The following ESYT2 variants were observed in gnomAD, a reference collection of about 807,000 sequenced individuals.
ESYT2 encodes the protein extended synaptotagmin-2.
ESYT2 carries 54 observed loss-of-function variants against 107.2 expected under a neutral mutation model. That is an observed-to-expected ratio of 0.50 (90% CI 0.40 to 0.63). ESYT2 has a LOEUF of 0.63. ESYT2 is among the 30% of genes least tolerant of loss of function. The pLI, the probability that ESYT2 is intolerant of heterozygous loss-of-function variation, is 0.00. For missense variants in ESYT2, 1,020 were observed against 1,094.5 expected (o/e 0.93, Z 0.96); for synonymous variants, 491 against 434.1 (o/e 1.13, Z -1.63).
At chr7:158,807,141 C>T (rs1056428653) in intron 1 of ESYT2, among the ~76,000 whole-genome samples, 1 of 151,356 alleles carries the variant, frequency 6.6e-6, no homozygotes, top group Non-Finnish European at 1.5e-5. Context: ...GTCCCACCTA[C>T]TCAGGAGGCT....
chr7:158,778,062 A>G (rs947474579), intron 6 of ESYT2, among the ~76,000 whole-genome samples: 3 of 152,196 alleles, frequency 2.0e-5, no homozygotes, highest in African/African-American at 4.8e-5. Flanking sequence ...TTTCATCTTA[A>G]ATGTCGCATT....
Position 158,790,064 on chromosome 7 carries a change from G to A in ESYT2, c.585-1647C>T, listed in dbSNP as rs113225574. On this transcript the variant is annotated intron_variant, in intron 4 of 22. Transcript: ENST00000275418. ...GGGGGCGGAGCGTCCTCCTGGGGGC[G>A]GAGCGTCCTCCTGGGGCACTGCCTG... is the stretch of plus-strand genomic sequence containing the variant. Among the ~76,000 whole-genome samples, 18 of 138,952 alleles carry A rather than the reference G, an allele frequency of 1.3e-4. 1 individual carries two copies. Among genetic ancestry groups the A allele is most frequent in the African/African-American group, 5.1e-4 (18 of 35,516 alleles). 91.2% of individuals were successfully genotyped at this position (138,952 alleles called of 152,430 possible).
At chr7:158,781,961 G>C (rs563066571) in intron 6 of ESYT2, among the ~76,000 whole-genome samples, 44 of 100,940 alleles carry the variant, frequency 4.4e-4, no homozygotes, top group African/African-American at 1.6e-3. Flanking sequence ...AAGTGTGAAC[G>C]AGTGTGAGAA....
intron 1 of ESYT2, among the ~76,000 whole-genome samples, chr7:158,810,588 G>A (rs573675529): frequency 2.6e-5 from 4 of 152,196 alleles, no homozygotes; most frequent in African/African-American, 7.2e-5. Context: ...AGGCTGAGAT[G>A]GCAGGATCAC....
intron 13 of ESYT2, among the ~76,000 whole-genome samples, chr7:158,758,414 G>A (rs1837841024): frequency 6.6e-6 from 1 of 152,174 alleles, no homozygotes; most frequent in Non-Finnish European, 1.5e-5. Flanking sequence ...GACTACAGGG[G>A]ATCGAGAGGC....
chr7:158,808,935 C>A (rs1191584097), intron 1 of ESYT2, among the ~76,000 whole-genome samples: 1 of 152,062 alleles, frequency 6.6e-6, no homozygotes, highest in Non-Finnish European at 1.5e-5. Flanking sequence ...GAGACTGCGC[C>A]ATTACACTCC....
chr7:158,737,063 G>T lies in ESYT2; in HGVS notation c.2384C>A (p.Pro795Gln), dbSNP rs1836983896. The change falls in exon 20 of 23, where the codon CCA (proline) becomes CAA (glutamine). Residue 795 changes from proline to glutamine, a missense_variant. Pro to Gln is a moderately conservative substitution (Grantham distance 76, BLOSUM62 -1). Coordinates refer to ENST00000275418, the MANE Select transcript of ESYT2 (RefSeq NM_001367773.1). Reference protein sequence around the residue: ...KTHVSKKTLNPVFDQSFDFSV... With the variant: ...KTHVSKKTLNQVFDQSFDFSV... ...AATACCGTACCTTTGATCAAACACTGGATTTAATGTTTTCTTTGACACGTG... is the reference window on the plus strand; with the variant it reads ...AATACCGTACCTTTGATCAAACACTTGATTTAATGTTTTCTTTGACACGTG... 6.2e-7 allele frequency: 1 copy of T among 1,613,402 alleles called. No individual in the cohort carries two copies. The highest frequency in any genetic ancestry group is 1.3e-5 in the African/African-American group (1 of 74,886).
chr7:158,757,795 A>C (rs767487604), intron 13 of ESYT2, among the ~76,000 whole-genome samples: 3 of 150,510 alleles, frequency 2.0e-5, no homozygotes, highest in Non-Finnish European at 4.4e-5. Context: ...CTTATGTGAC[A>C]TTATTCAAAT....
At position 158,795,805 on chromosome 7, in the gene ESYT2, C is replaced by A. The variant is rs576145681; in HGVS notation, c.508-2079G>T. 5.9e-5 allele frequency among the ~76,000 whole-genome samples: 9 copies of A among 152,314 alleles called. 1 individual carries two copies. In the South Asian group the frequency reaches 1.9e-3, roughly 32 times the overall value. On this transcript the variant is annotated intron_variant, in intron 3 of 22. Transcript: ENST00000275418. ...GGCGTCCCGTGTAGAGACATGGGCTCGTCCTACGGGCGTCCTGTGTAGAGA... is the reference window on the plus strand; with the variant it reads ...GGCGTCCCGTGTAGAGACATGGGCTAGTCCTACGGGCGTCCTGTGTAGAGA...
intron 4 of ESYT2, among the ~76,000 whole-genome samples, chr7:158,789,362 T>G (rs917371591): frequency 6.6e-6 from 1 of 152,176 alleles, no homozygotes; most frequent in Non-Finnish European, 1.5e-5. Context: ...ATCATTTTCT[T>G]TTCTTTTTTT....
intron 2 of ESYT2, among the ~76,000 whole-genome samples, chr7:158,798,646 C>CAAAAAA (rs57351086): frequency 0.025 from 1,253 of 49,928 alleles, 83 homozygotes; most frequent in East Asian, 0.034. Context: ...AGCTCCGTCT[C>CAAAAAA]AAAAAAAAAA....
chr7:158,798,882 G>T, intron 2 of ESYT2, 149 bp downstream of exon 2: 1 of 658,490 alleles, frequency 1.5e-6, no homozygotes. Context: ...TGCATTTGTT[G>T]TGACTGAGGT....
chr7:158,731,905 C>T lies in ESYT2; in HGVS notation c.*2302G>A, dbSNP rs13242618. Reference sequence around the variant, plus strand: ...GCTTCACTCCTCCACATCTGGGAGGCACTTCAGTGCCTCAGAATCACCCCC... The same window carrying T: ...GCTTCACTCCTCCACATCTGGGAGGTACTTCAGTGCCTCAGAATCACCCCC... On this transcript the variant is annotated 3_prime_UTR_variant, in exon 23 of 23. Transcript: ENST00000275418. The T allele has an allele frequency of 0.26, 38,895 of 150,878 alleles. 6,056 individuals are homozygous for T. The highest frequency in any genetic ancestry group is 0.6 in the East Asian group (3,078 of 5,126). The allele number at this position is 150,878 out of a possible 1,614,324, so 9.3% of individuals were successfully genotyped here.
chr7:158,804,669 G>C (rs1056475767), intron 1 of ESYT2, among the ~76,000 whole-genome samples: 53 of 151,574 alleles, frequency 3.5e-4, no homozygotes, highest in Non-Finnish European at 7.2e-4. Context: ...TGAGGCACGT[G>C]ACAAACCCAA....
Position 158,770,755 on chromosome 7 carries a change from T to C in ESYT2, c.803+2586A>G, listed in dbSNP as rs905407398. ...TGGTCTCGATCTCCTGACCTCATGATCCACCTGCCTCGGCCTCCCAAAGTG... is the reference window on the plus strand; with the variant it reads ...TGGTCTCGATCTCCTGACCTCATGACCCACCTGCCTCGGCCTCCCAAAGTG... On this transcript the variant is annotated intron_variant, in intron 7 of 22. Coordinates refer to ENST00000275418, the MANE Select transcript of ESYT2 (RefSeq NM_001367773.1). Among the ~76,000 whole-genome samples, 5 of 152,238 alleles carry C rather than the reference T, an allele frequency of 3.3e-5. No individual in the cohort carries two copies. The South Asian group carries it at 1.0e-3, about 32-fold the overall frequency.
intron 13 of ESYT2, among the ~76,000 whole-genome samples, chr7:158,753,447 G>C (rs150024567): frequency 6.6e-6 from 1 of 152,052 alleles, no homozygotes; most frequent in Non-Finnish European, 1.5e-5. Flanking sequence ...TACTTTTATT[G>C]ATTTTTTTCC....
intron 1 of ESYT2, among the ~76,000 whole-genome samples, chr7:158,802,627 C>T (rs1839678952): frequency 6.6e-6 from 1 of 152,162 alleles, no homozygotes. Flanking sequence ...AGGCACTTGA[C>T]AGGGAATGTA....
chr7:158,783,667 C>T (rs1335335023), intron 6 of ESYT2, among the ~76,000 whole-genome samples: 2 of 152,166 alleles, frequency 1.3e-5, no homozygotes, highest in African/African-American at 4.8e-5. Context: ...ACGAGATCCC[C>T]ACAAAACAAG....
chr7:158,820,220 G>A (rs1383439820), intron 1 of ESYT2, among the ~76,000 whole-genome samples: 1 of 152,160 alleles, frequency 6.6e-6, no homozygotes, highest in South Asian at 2.1e-4. Context: ...GAATGGGGGA[G>A]AGTCTAGAGA....
Sources: allele counts gnomAD v4.1 joint callset (sites outside exome capture counted in the v4.1 genomes callset), GRCh38; gene constraint gnomAD v4.1.1; transcripts MANE v1.5; gene names NCBI Gene and HGNC (gene_info 2026-07-23, HGNC 2026-07-21).